MOXD1: variants seen among roughly 807,000 people sequenced by gnomAD.
MOXD1 encodes DBH-like monooxygenase protein 1.
In MOXD1, 62 loss-of-function variants were observed where a neutral mutation model predicts 66.6. The ratio of observed to expected loss-of-function variants is 0.93; its 90% CI spans 0.76 to 1.15. The LOEUF (loss-of-function observed/expected upper bound fraction) is 1.15, where lower values mean the gene tolerates loss of function less well. Ranked by LOEUF, MOXD1 falls within the 50% of genes most tolerant of loss-of-function variation. The probability of loss-of-function intolerance (pLI) is 0.00; values close to 1 mark genes in which losing one functional copy is unlikely to be tolerated. For synonymous variants in MOXD1, 303 were observed against 281.9 expected, an observed-to-expected ratio of 1.07 and a Z score of -0.75; for missense variants, 847 against 754.6, an observed-to-expected ratio of 1.12 and a Z score of -1.44.
intron 1 of MOXD1, among the ~76,000 whole-genome samples, chr6:132,396,897 T>C (rs1776893718): frequency 1.3e-5 from 2 of 152,164 alleles, no homozygotes; most frequent in Admixed American, 6.5e-5. Context: ...TCCCCCAACA[T>C]AGAAAGTCCA....
intron 10 of MOXD1, among the ~76,000 whole-genome samples, chr6:132,299,889 CCTCTCT>C (rs3038133): frequency 1.1e-4 from 16 of 146,478 alleles, no homozygotes; most frequent in Non-Finnish European, 2.1e-4. Flanking sequence ...TTTCTCTCTC[CCTCTCT>C]CTCTCTCTCT....
intron 10 of MOXD1, among the ~76,000 whole-genome samples, chr6:132,307,633 G>A (rs771809295): frequency 5.9e-5 from 9 of 152,086 alleles, no homozygotes; most frequent in African/African-American, 2.2e-4. Flanking sequence ...AACACTTCTC[G>A]GCAAATGCAA....
At chr6:132,395,856 T>C (rs566124365) in intron 1 of MOXD1, among the ~76,000 whole-genome samples, 1 of 152,302 alleles carries the variant, frequency 6.6e-6, no homozygotes, top group African/African-American at 2.4e-5. Context: ...CAATTCTAAA[T>C]ACATATGCAC....
chr6:132,354,103 G>A (rs1312680978), intron 4 of MOXD1, among the ~76,000 whole-genome samples: 1 of 152,026 alleles, frequency 6.6e-6, no homozygotes, highest in East Asian at 1.9e-4. Context: ...GCCTTTCGCT[G>A]GTGTCTCCCT....
Position 132,349,484 on chromosome 6 carries a change from T to TATATATATATACAC in MOXD1, c.664-20891_664-20890insGTGTATATATATAT, listed in dbSNP as rs1562290166. ...ATATATACATATATATATATATACATATATATATATACCACAGTTTCTTTA... is the reference window on the plus strand; with the variant it reads ...ATATATACATATATATATATATACATATATATATATACACATATATATATACCACAGTTTCTTTA... On this transcript the variant is annotated intron_variant, in intron 4 of 11. Transcript: ENST00000367963. Among the ~76,000 whole-genome samples, 3 of 29,786 alleles carry TATATATATATACAC rather than the reference T, an allele frequency of 1.0e-4. 1 individual carries two copies. The highest frequency in any genetic ancestry group is 4.3e-4 in the Admixed American group (1 of 2,334). 19.5% of individuals were successfully genotyped at this position (29,786 alleles called of 152,430 possible).
intron 4 of MOXD1, among the ~76,000 whole-genome samples, chr6:132,332,694 C>T (rs550746003): frequency 6.6e-6 from 1 of 152,320 alleles, no homozygotes; most frequent in South Asian, 2.1e-4. Flanking sequence ...CACAATGCTT[C>T]ACGCCATGCT....
Position 132,326,883 on chromosome 6 carries a change from G to A in MOXD1, c.946+1130C>T, listed in dbSNP as rs1231016364. 2.6e-5 allele frequency among the ~76,000 whole-genome samples: 4 copies of A among 152,142 alleles called. No individual in the cohort carries two copies. The South Asian group carries it at 6.2e-4, about 24-fold the overall frequency. ...TCACTCTTTAAATATCATACCACGT[G>A]TCCTCTCTTCAAAATCTATTATTCA... On this transcript the variant is annotated intron_variant, in intron 6 of 11. Transcript: ENST00000367963.
At chr6:132,396,950 T>C (rs541265219) in intron 1 of MOXD1, among the ~76,000 whole-genome samples, 12 of 152,314 alleles carry the variant, frequency 7.9e-5, no homozygotes, top group African/African-American at 2.9e-4. Flanking sequence ...GACTGTCTTC[T>C]TACGTGATGT....
chr6:132,318,150 T>C (rs908347331), intron 9 of MOXD1, among the ~76,000 whole-genome samples: 1 of 152,118 alleles, frequency 6.6e-6, no homozygotes, highest in African/African-American at 2.4e-5. Flanking sequence ...TATTATTATA[T>C]GTTACTATGA....
chr6:132,366,542 C>T (rs1025657251), intron 4 of MOXD1, among the ~76,000 whole-genome samples: 1 of 151,982 alleles, frequency 6.6e-6, no homozygotes, highest in African/African-American at 2.4e-5. Context: ...AATATTATTT[C>T]AGGAAAGAAG....
chr6:132,346,068 G>A (rs1015775996), intron 4 of MOXD1, among the ~76,000 whole-genome samples: 2 of 151,302 alleles, frequency 1.3e-5, no homozygotes, highest in African/African-American at 4.9e-5. Flanking sequence ...GGGGGATGGG[G>A]GGATTTTTTT....
intron 4 of MOXD1, among the ~76,000 whole-genome samples, chr6:132,335,110 T>C (rs1775409928): frequency 6.6e-6 from 1 of 152,134 alleles, no homozygotes; most frequent in South Asian, 2.1e-4. Context: ...TTGACAAAAC[T>C]GTGCCTACCT....
rs868670207 is a variant in MOXD1, at chr6:132,372,964, G to A, written c.445C>T (p.His149Tyr). The A allele has an allele frequency of 1.9e-6, 3 of 1,613,918 alleles. No individual in the cohort carries two copies. Among genetic ancestry groups the A allele is most frequent in the Middle Eastern group, 1.7e-4 (1 of 6,060 alleles). ...STVRVIWAYH[H>Y]EDAGEAGPKY... The stretch of plus-strand genomic sequence containing the variant: ...GGACCAGCTTCTCCTGCATCTTCAT[G>A]GTGGTAGGCCCAGATCACTCTCACA... Residue 149 changes from histidine to tyrosine, a missense_variant, in exon 3 of 12, where the codon CAT becomes TAT. Coordinates refer to ENST00000367963, the MANE Select transcript of MOXD1 (RefSeq NM_015529.4).
Position 132,378,874 on chromosome 6 carries a change from T to C in MOXD1, c.265-4097A>G, listed in dbSNP as rs1454246881. On this transcript the variant is annotated intron_variant, in intron 1 of 11. Coordinates refer to ENST00000367963, the MANE Select transcript of MOXD1 (RefSeq NM_015529.4). The stretch of plus-strand genomic sequence containing the variant: ...AAATGAAAGAGGACAGAACACTTCC[T>C]CTTTTTTTTTTTTTTTTTTTTTTTT... 6.6e-5 allele frequency among the ~76,000 whole-genome samples: 7 copies of C among 105,978 alleles called. No individual in the cohort carries two copies. In the South Asian group the frequency reaches 1.7e-3, roughly 26 times the overall value. 69.5% of individuals were successfully genotyped at this position (105,978 alleles called of 152,430 possible). A position where few individuals can be genotyped will look rare whatever the true frequency, so the allele number is the denominator to read the frequency against.
intron 4 of MOXD1, among the ~76,000 whole-genome samples, chr6:132,355,151 C>T (rs941459632): frequency 2.0e-5 from 3 of 152,126 alleles, no homozygotes; most frequent in Non-Finnish European, 4.4e-5. Context: ...TGCCCTTCCC[C>T]AGGTTCTGGC....
intron 4 of MOXD1, among the ~76,000 whole-genome samples, chr6:132,336,002 AAC>A (rs1775427743): frequency 6.6e-6 from 1 of 152,194 alleles, no homozygotes; most frequent in Admixed American, 6.5e-5. Context: ...ATATGTGAGA[AAC>A]ACAGGGAGGT....
At chr6:132,318,972 T>C (rs938174591) in intron 9 of MOXD1, among the ~76,000 whole-genome samples, 1 of 152,048 alleles carries the variant, frequency 6.6e-6, no homozygotes, top group Non-Finnish European at 1.5e-5. Flanking sequence ...TTTCCATCTG[T>C]AGAATTTGTA....
intron 10 of MOXD1, among the ~76,000 whole-genome samples, chr6:132,306,542 C>A (rs1774692059): frequency 6.6e-6 from 1 of 152,016 alleles, no homozygotes; most frequent in Admixed American, 6.6e-5. Flanking sequence ...AGAAGATCAA[C>A]CCCAAGACAC....
intron 4 of MOXD1, among the ~76,000 whole-genome samples, chr6:132,349,434 T>TACATATATATATAC (rs1775748306): frequency 3.1e-5 from 1 of 32,086 alleles, no homozygotes. Flanking sequence ...TATATATATA[T>TACATATATATATAC]ACATATATAT....
Sources: allele counts gnomAD v4.1 joint callset (sites outside exome capture counted in the v4.1 genomes callset), GRCh38; gene constraint gnomAD v4.1.1; transcripts MANE v1.5; gene names NCBI Gene and HGNC (gene_info 2026-07-23, HGNC 2026-07-21).